The following BNC2 variants were observed in gnomAD, a reference collection of about 807,000 sequenced individuals.
BNC2 encodes zinc finger protein basonuclin-2.
A neutral mutation model predicts 76.3 loss-of-function variants in BNC2; 20 were observed. The ratio of observed to expected loss-of-function variants is 0.26; its 90% CI spans 0.18 to 0.38. BNC2 has a LOEUF of 0.38. Ranked by LOEUF, BNC2 falls within the 10% of genes least tolerant of loss-of-function variation. The pLI is 1.00. For missense variants in BNC2, 1,382 were observed against 1,399.8 expected, an observed-to-expected ratio of 0.99 and a Z score of 0.20; for synonymous variants, 582 against 514.8, an observed-to-expected ratio of 1.13 and a Z score of -1.77.
chr9:16,748,078 G>C (rs574456814), intron 1 of BNC2, among the ~76,000 whole-genome samples: 224 of 152,296 alleles, frequency 1.5e-3, no homozygotes, highest in African/African-American at 5.1e-3. Context: ...TAAAAGGCAA[G>C]ATGCAGAACA....
At chr9:16,456,239 T>A (rs1821445308) in intron 5 of BNC2, among the ~76,000 whole-genome samples, 1 of 152,220 alleles carries the variant, frequency 6.6e-6, no homozygotes, top group Admixed American at 6.5e-5. Flanking sequence ...GGCAACATTT[T>A]TGTCACCTAA....
chr9:16,440,159 G>C (rs1301490300), intron 5 of BNC2, among the ~76,000 whole-genome samples: 2 of 152,150 alleles, frequency 1.3e-5, no homozygotes, highest in Non-Finnish European at 2.9e-5. Flanking sequence ...GAACAGATGA[G>C]AAATCAGGGG....
At chr9:16,754,183 C>T (rs1178305829) in intron 1 of BNC2, among the ~76,000 whole-genome samples, 1 of 152,204 alleles carries the variant, frequency 6.6e-6, no homozygotes, top group Admixed American at 6.5e-5. Flanking sequence ...AAATCTTTGT[C>T]CAAGGCATCA....
intron 5 of BNC2, among the ~76,000 whole-genome samples, chr9:16,487,992 T>C (rs1822200869): frequency 6.6e-6 from 1 of 152,210 alleles, no homozygotes; most frequent in Admixed American, 6.5e-5. Context: ...ATCAGTACAA[T>C]TCAATTCAGC....
At chr9:16,518,845 C>T (rs1266450807) in intron 5 of BNC2, among the ~76,000 whole-genome samples, 3 of 152,204 alleles carry the variant, frequency 2.0e-5, no homozygotes, top group East Asian at 3.8e-4. Context: ...AGGCAATCCA[C>T]CTGCCTCGGC....
rs376777574 is a variant in BNC2, at chr9:16,596,389, T to A, written c.331-13304A>T. ...CAAACCACTAAAATACATACACATA[T>A]ACATTCATATTTTTCTCTCTCTCCC... On this transcript the variant is annotated intron_variant, in intron 3 of 6. Transcript: ENST00000380672. Among the ~76,000 whole-genome samples the A allele has an allele frequency of 6.7e-4, 102 of 152,214 alleles. 2 individuals carry two copies. In the South Asian group the frequency reaches 0.02, roughly 30 times the overall value.
chr9:16,597,878 G>A (rs150400419), intron 3 of BNC2, among the ~76,000 whole-genome samples: 3 of 151,868 alleles, frequency 2.0e-5, no homozygotes, highest in Non-Finnish European at 4.4e-5. Context: ...TCCGTGCCTG[G>A]TTTTCGGGGC....
intron 1 of BNC2, among the ~76,000 whole-genome samples, chr9:16,852,853 A>T (rs905978614): frequency 3.3e-5 from 5 of 152,190 alleles, no homozygotes; most frequent in Admixed American, 6.5e-5. Flanking sequence ...GGGCTGAGGT[A>T]GGTACCAGCT....
chr9:16,683,700 C>T (rs1409808754), intron 3 of BNC2, among the ~76,000 whole-genome samples: 2 of 152,156 alleles, frequency 1.3e-5, no homozygotes, highest in East Asian at 3.8e-4. Flanking sequence ...GTATATTAAG[C>T]ATCTTTATTA....
At chr9:16,870,092 C>T (rs1819640113) in intron 1 of BNC2, among the ~76,000 whole-genome samples, 1 of 152,150 alleles carries the variant, frequency 6.6e-6, no homozygotes, top group Non-Finnish European at 1.5e-5. Context: ...CGGGAAGATT[C>T]CGAATGTGAA....
chr9:16,609,123 T>C (rs915041529), intron 3 of BNC2, among the ~76,000 whole-genome samples: 2 of 152,096 alleles, frequency 1.3e-5, no homozygotes, highest in African/African-American at 4.8e-5. Flanking sequence ...ACTGATTGCC[T>C]AGAGAAAAGT....
At chr9:16,705,901 T>C (rs1206486133) in intron 3 of BNC2, among the ~76,000 whole-genome samples, 1 of 152,192 alleles carries the variant, frequency 6.6e-6, no homozygotes, top group African/African-American at 2.4e-5. Context: ...CACCTACACT[T>C]AACCATTTTT....
intron 1 of BNC2, among the ~76,000 whole-genome samples, chr9:16,809,152 C>T (rs992340845): frequency 1.8e-4 from 27 of 152,188 alleles, no homozygotes; most frequent in African/African-American, 6.5e-4. Flanking sequence ...GTCTAAGTGC[C>T]CTTTGTCAGA....
At chr9:16,780,389 TG>T (rs1388178440) in intron 1 of BNC2, among the ~76,000 whole-genome samples, 1 of 151,514 alleles carries the variant, frequency 6.6e-6, no homozygotes, top group Non-Finnish European at 1.5e-5. Context: ...CTGGCCAACA[TG>T]GGGAAACCCC....
chr9:16,850,320 T>C (rs565924354), intron 1 of BNC2, among the ~76,000 whole-genome samples: 14 of 152,344 alleles, frequency 9.2e-5, no homozygotes, highest in African/African-American at 3.4e-4. Context: ...TAAGCATGCA[T>C]GTATGGTACG....
chr9:16,573,088 C>T (rs1029199567), intron 4 of BNC2, among the ~76,000 whole-genome samples: 4 of 151,652 alleles, frequency 2.6e-5, no homozygotes, highest in East Asian at 3.9e-4. Context: ...ATTAGCTGGG[C>T]GTGGTAGCGC....
At chr9:16,644,793 T>A (rs1454253560) in intron 3 of BNC2, among the ~76,000 whole-genome samples, 1 of 152,206 alleles carries the variant, frequency 6.6e-6, no homozygotes, top group East Asian at 1.9e-4. Context: ...AGCTTCCCAA[T>A]GGAGAGTAGC....
chr9:16,763,092 T>G (rs1336935073), intron 1 of BNC2, among the ~76,000 whole-genome samples: 1 of 152,150 alleles, frequency 6.6e-6, no homozygotes, highest in Non-Finnish European at 1.5e-5. Context: ...CAACCTGCAG[T>G]TGAACCCAAA....
intron 1 of BNC2, among the ~76,000 whole-genome samples, chr9:16,774,905 C>G (rs1463538725): frequency 2.0e-5 from 3 of 152,262 alleles, no homozygotes; most frequent in African/African-American, 7.2e-5. Context: ...TTGTATTTTG[C>G]CAATGAAGCG....
Sources: gnomAD v4.1 joint callset for allele counts (sites outside exome capture counted in the v4.1 genomes callset) on GRCh38, gnomAD v4.1.1 for gene constraint, MANE v1.5 for transcripts, NCBI Gene and HGNC (gene_info 2026-07-23, HGNC 2026-07-21) for gene names.